Variants in SMARCA2 observed in about 807,000 individuals in gnomAD.
SMARCA2 encodes SWI/SNF related BAF chromatin remodeling complex subunit ATPase 2.
In SMARCA2, 61 loss-of-function variants were observed where a neutral mutation model predicts 199.8. The ratio of observed to expected loss-of-function variants is 0.31; its 90% CI spans 0.25 to 0.38. SMARCA2 has a LOEUF of 0.38. SMARCA2 is among the 10% of genes least tolerant of loss of function. The pLI, the probability that SMARCA2 is intolerant of heterozygous loss-of-function variation, is 1.00. For synonymous variants in SMARCA2, 935 were observed against 732.0 expected (o/e 1.28, Z -4.48); for missense variants, 1,344 against 2,012.2 (o/e 0.67, Z 6.35).
chr9:2,059,684 A>G (rs1360508236), intron 8 of SMARCA2, among the ~76,000 whole-genome samples: 1 of 152,192 alleles, frequency 6.6e-6, no homozygotes, highest in East Asian at 1.9e-4. Context: ...CCATAACCGA[A>G]AGCAATTAGA....
intron 29 of SMARCA2, among the ~76,000 whole-genome samples, chr9:2,171,023 G>GT (rs1826223169): frequency 1.3e-5 from 2 of 152,190 alleles, no homozygotes; most frequent in African/African-American, 4.8e-5. Flanking sequence ...GGGCCTACCT[G>GT]TTGTGTGTAG....
Position 2,016,016 on chromosome 9 carries a change from G to C in SMARCA2, c.-37+612G>C, listed in dbSNP as rs940542843. ...CCCAGGCTGGCGGCGGGGCGCCAAC[G>C]GACGCTGTTGCCACCCGCTTCCCAG... is the stretch of plus-strand genomic sequence containing the variant. On this transcript the variant is annotated intron_variant, in intron 1 of 33. Coordinates refer to ENST00000349721, the MANE Select transcript of SMARCA2 (RefSeq NM_003070.5). The surrounding 1 kb of genome is among the most constrained non-coding windows in gnomAD (Gnocchi z 5.6). 1 of 152,488 alleles carries C rather than the reference G, an allele frequency of 6.6e-6. No homozygotes were observed. The highest frequency in any genetic ancestry group is 1.5e-5 in the Non-Finnish European group (1 of 68,306). 9.4% of individuals were successfully genotyped at this position (152,488 alleles called of 1,614,324 possible). A position where few individuals can be genotyped will look rare whatever the true frequency, so the allele number is the denominator to read the frequency against.
At chr9:2,182,005 G>C in intron 30 of SMARCA2, 136 bp from the exon 31 acceptor site, 1 of 725,730 alleles carries the variant, frequency 1.4e-6, no homozygotes, top group East Asian at 2.5e-5. Flanking sequence ...GCCCCCTGGG[G>C]TTATGCAGTC....
At chr9:2,163,189 G>C (rs1451990359) in intron 28 of SMARCA2, among the ~76,000 whole-genome samples, 3 of 152,228 alleles carry the variant, frequency 2.0e-5, no homozygotes, top group Non-Finnish European at 4.4e-5. Flanking sequence ...TGGGGAAAGA[G>C]GAGTAGGTGG....
At position 2,152,068 on chromosome 9, in the gene SMARCA2, C is replaced by G. The variant is rs1391932018; in HGVS notation, c.3982-9618C>G. Among the ~76,000 whole-genome samples, 8 of 152,282 alleles carry G rather than the reference C, an allele frequency of 5.3e-5. No homozygotes were observed. In the South Asian group the frequency reaches 1.7e-3, roughly 32 times the overall value. ...GAGGACTTTTGACTGCCAGTAAAGA[C>G]TGGTTTCATTGTCTCAGAAGTCACC... On this transcript the variant is annotated intron_variant, in intron 27 of 33. Transcript: ENST00000349721.
At chr9:2,074,583 A>G (rs1266402881) in intron 12 of SMARCA2, among the ~76,000 whole-genome samples, 1 of 152,202 alleles carries the variant, frequency 6.6e-6, no homozygotes, top group Admixed American at 6.5e-5. Flanking sequence ...AAAAGCAAAC[A>G]TGGTTGGGCA....
At chr9:2,118,160 G>A (rs1356633509) in intron 25 of SMARCA2, among the ~76,000 whole-genome samples, 1 of 152,166 alleles carries the variant, frequency 6.6e-6, no homozygotes, top group Admixed American at 6.5e-5. Flanking sequence ...GGCGAAGCGG[G>A]ACATCTGTTC....
At chr9:2,054,524 G>T in intron 5 of SMARCA2, 73 bp from the exon 6 acceptor site, 1 of 1,550,630 alleles carries the variant, frequency 6.4e-7, no homozygotes, top group Non-Finnish European at 8.8e-7. Flanking sequence ...TAATGTCATT[G>T]TTTATCATTT....
rs1416329766 is a variant in SMARCA2 at position 2,147,753 on chromosome 9, A to G, written c.3982-13933A>G. Among the ~76,000 whole-genome samples, 3 of 151,506 alleles carry G rather than the reference A, an allele frequency of 2.0e-5. No homozygotes were observed. The East Asian group carries it at 5.8e-4, about 29-fold the overall frequency. On this transcript the variant is annotated intron_variant, in intron 27 of 33. Coordinates refer to ENST00000349721, the MANE Select transcript of SMARCA2 (RefSeq NM_003070.5). ...TCCCAGCTACTTGGGAGGCTGAGGCAGGGAAAATTGCTTGAACCCGGGAGG... is the reference window on the plus strand; with the variant it reads ...TCCCAGCTACTTGGGAGGCTGAGGCGGGGAAAATTGCTTGAACCCGGGAGG...
At chr9:2,163,143 G>GT (rs1334151322) in intron 28 of SMARCA2, among the ~76,000 whole-genome samples, 7 of 152,344 alleles carry the variant, frequency 4.6e-5, no homozygotes, top group African/African-American at 1.7e-4. Context: ...GGGTTTTGCT[G>GT]TTAAGCCTTT....
chr9:2,122,851 T>C (rs76422962), intron 26 of SMARCA2, among the ~76,000 whole-genome samples: 4 of 152,218 alleles, frequency 2.6e-5, no homozygotes, highest in African/African-American at 9.6e-5. Context: ...GGATATATAG[T>C]GGCAGTTTAT....
intron 24 of SMARCA2, among the ~76,000 whole-genome samples, chr9:2,111,170 G>A (rs767047579): frequency 2.6e-5 from 4 of 151,696 alleles, no homozygotes; most frequent in Non-Finnish European, 5.9e-5. Flanking sequence ...GATTCATACT[G>A]GAGCAAATGT....
At chr9:2,021,065 T>C (rs1197933698) in intron 1 of SMARCA2, among the ~76,000 whole-genome samples, 1 of 152,248 alleles carries the variant, frequency 6.6e-6, no homozygotes, top group Non-Finnish European at 1.5e-5. Flanking sequence ...CAACAGTTTT[T>C]AAAACCACAA....
At chr9:2,160,200 A>G (rs556872214) in intron 27 of SMARCA2, 29 of 414,164 alleles carry the variant, frequency 7.0e-5, no homozygotes, top group African/African-American at 5.1e-4. Flanking sequence ...TATTAATGCA[A>G]TAATGTGAAG....
intron 27 of SMARCA2, among the ~76,000 whole-genome samples, chr9:2,136,429 C>T (rs1237570494): frequency 6.6e-6 from 1 of 152,120 alleles, no homozygotes; most frequent in Non-Finnish European, 1.5e-5. Context: ...CTCAAGTGAT[C>T]TGCCCACCTC....
In SMARCA2 at chr9:2,104,117, C is replaced by T. The variant is rs774121131; in HGVS notation, c.3240C>T (p.Thr1080=). The part of the protein sequence containing the change: ...LLFCQMTSLM[T]IMEDYFAFRN... ...TCTGCCAGATGACATCTCTCATGAC[C>T]ATCATGGAGGATTATTTTGCTTTTC... Residue 1080 remains threonine (T), a synonymous_variant, in exon 23 of 34, where the codon ACC becomes ACT. Coordinates refer to ENST00000349721, the MANE Select transcript of SMARCA2 (RefSeq NM_003070.5). This position sits in a 1 kb window ranked among gnomAD's most constrained non-coding sequence, Gnocchi z 4.0. The T allele has an allele frequency of 1.9e-6, 3 of 1,614,040 alleles. No individual in the cohort carries two copies. The highest frequency in any genetic ancestry group is 1.7e-5 in the Admixed American group (1 of 60,016).
intron 29 of SMARCA2, among the ~76,000 whole-genome samples, chr9:2,177,215 TAA>T (rs1207362256): frequency 6.6e-6 from 1 of 152,218 alleles, no homozygotes; most frequent in Non-Finnish European, 1.5e-5. Context: ...ACCCAATTTT[TAA>T]AGTTTTCTTC....
intron 1 of SMARCA2, among the ~76,000 whole-genome samples, chr9:2,026,392 G>A (rs904203794): frequency 1.3e-5 from 2 of 152,004 alleles, no homozygotes; most frequent in African/African-American, 4.8e-5. Context: ...CTTCCAACAT[G>A]TTTTCCCTCT....
intron 9 of SMARCA2, among the ~76,000 whole-genome samples, chr9:2,063,740 A>T (rs1486533334): frequency 2.0e-5 from 3 of 149,074 alleles, no homozygotes; most frequent in African/African-American, 4.9e-5. Context: ...CTAGTGTACA[A>T]TTTTTTTTTT....
Sources: allele counts gnomAD v4.1 joint callset (sites outside exome capture counted in the v4.1 genomes callset), GRCh38; gene constraint gnomAD v4.1.1; non-coding constraint Gnocchi (gnomAD v3.1); transcripts MANE v1.5; gene names NCBI Gene and HGNC (gene_info 2026-07-23, HGNC 2026-07-21).